NMB: variants seen among roughly 807,000 people sequenced by gnomAD.
The protein encoded by NMB is neuromedin B.
In NMB, 12 loss-of-function variants were observed where a neutral mutation model predicts 11.7. That is an observed-to-expected ratio of 1.03 (90% CI 0.66 to 1.66). The LOEUF is 1.66. NMB is among the 40% of genes most tolerant of loss of function. The pLI, the probability that NMB is intolerant of heterozygous loss-of-function variation, is 0.00. For missense variants in NMB, 174 were observed against 157.9 expected (o/e 1.10, Z -0.55); for synonymous variants, 76 against 72.6 (o/e 1.05, Z -0.24).
Position 84,655,158 on chromosome 15 carries a change from C to A in NMB, c.*216G>T. On this transcript the variant is annotated 3_prime_UTR_variant, in exon 3 of 3. Transcript: ENST00000360476. The stretch of plus-strand genomic sequence containing the variant: ...ATGTAAAGAGCAAGGTTTTATTCAC[C>A]AATTCAACAGGGAAGCAGGAAATAC... The A allele has an allele frequency of 7.8e-7, 1 of 1,286,760 alleles. No homozygotes were observed. Among genetic ancestry groups the A allele is most frequent in the Non-Finnish European group, 1.1e-6 (1 of 932,348 alleles). The allele number at this position is 1,286,760 out of a possible 1,614,324, so 79.7% of individuals were successfully genotyped here. A position where few individuals can be genotyped will look rare whatever the true frequency, so the allele number is the denominator to read the frequency against.
intron 2 of NMB, among the ~76,000 whole-genome samples, chr15:84,656,294 A>AC (rs1896782254): frequency 6.6e-6 from 1 of 152,036 alleles, no homozygotes; most frequent in Non-Finnish European, 1.5e-5. Flanking sequence ...CAGCAGCAGG[A>AC]CCAGGGAGGG....
chr15:84,657,133 C>T (rs1219855462), intron 2 of NMB, 43 bp downstream of exon 2: 7 of 1,579,344 alleles, frequency 4.4e-6, no homozygotes, highest in East Asian at 2.3e-5. Context: ...CGGGGATGGC[C>T]CCAGCTGGGC....
chr15:84,655,789 C>G (rs1896771433), intron 2 of NMB, among the ~76,000 whole-genome samples: 1 of 152,220 alleles, frequency 6.6e-6, no homozygotes, highest in Non-Finnish European at 1.5e-5. Context: ...GTCAGAGCTT[C>G]AAAACCAAGG....
In NMB at chr15:84,658,066, C is replaced by T. The variant is rs755352396; in HGVS notation, c.87G>A (p.Trp29Ter). The change falls in exon 1 of 3, where the codon TGG becomes TGA. Residue 29 changes from tryptophan (W) to a stop codon, truncating the protein, a stop_gained. Transcript: ENST00000360476. LOFTEE classifies it high-confidence loss of function. ...CTCGGCTGCGGGGCTCCGGGAGATCCCAGCTGAGCGGGGCGACGCCGGCAG... is the reference window on the plus strand; with the variant it reads ...CTCGGCTGCGGGGCTCCGGGAGATCTCAGCTGAGCGGGGCGACGCCGGCAG... ...LLAAGVAPLS[W>*]DLPEPRSRAS... 6.3e-7 allele frequency: 1 copy of T among 1,587,070 alleles called. No individual in the cohort carries two copies. The highest frequency in any genetic ancestry group is 1.1e-5 in the South Asian group (1 of 89,296).
chr15:84,657,214 G>A lies in NMB; in HGVS notation c.292C>T (p.Leu98=). 1.2e-6 allele frequency: 2 copies of A among 1,612,642 alleles called. No homozygotes were observed. The highest frequency in any genetic ancestry group is 1.7e-6 in the Non-Finnish European group (2 of 1,179,514). Reference sequence around the variant, plus strand: ...GCGGGGCGGCTGAGGCTCACGCCCAGAGCCTTCTTTAGCAGGAGGATTCCG... The same window carrying A: ...GCGGGGCGGCTGAGGCTCACGCCCAAAGCCTTCTTTAGCAGGAGGATTCCG... ...LLGILLLKKA[L]GVSLSRPAPQ... Residue 98 remains leucine (L), a synonymous_variant, in exon 2 of 3, where the codon CTG becomes TTG. Transcript: ENST00000360476.
intron 2 of NMB, 34 bp from the exon 3 acceptor site, chr15:84,655,443 G>A: frequency 6.2e-7 from 1 of 1,612,244 alleles, no homozygotes; most frequent in Non-Finnish European, 8.5e-7. Flanking sequence ...TTGAGCCAGG[G>A]AGGGGCTCCT....
At chr15:84,655,703 C>T (rs1406402122) in intron 2 of NMB, among the ~76,000 whole-genome samples, 1 of 152,228 alleles carries the variant, frequency 6.6e-6, no homozygotes, top group Non-Finnish European at 1.5e-5. Context: ...CCCACCCCAG[C>T]TCTGCCCCAG....
chr15:84,656,835 C>G (rs917331709), intron 2 of NMB, among the ~76,000 whole-genome samples: 34 of 152,090 alleles, frequency 2.2e-4, no homozygotes, highest in African/African-American at 8.2e-4. Flanking sequence ...ATGGGTGGGA[C>G]AAGACTGTGT....
intron 2 of NMB, among the ~76,000 whole-genome samples, chr15:84,656,389 C>T (rs1896783268): frequency 6.6e-6 from 1 of 151,818 alleles, no homozygotes; most frequent in Non-Finnish European, 1.5e-5. Context: ...AGCTTGGCTC[C>T]AGCTTTGGAG....
In NMB at chr15:84,655,228, C is replaced by G. The variant is rs745704094; in HGVS notation, c.*146G>C. The G allele has an allele frequency of 3.9e-6, 6 of 1,542,808 alleles. No individual in the cohort carries two copies. Among genetic ancestry groups the G allele is most frequent in the Non-Finnish European group, 5.2e-6 (6 of 1,143,292 alleles). ...TCTGCATCAGCGATATTTCTGGTGA[C>G]CCAGCCAGAAATCACAGTAATGGAG... On this transcript the variant is annotated 3_prime_UTR_variant, in exon 3 of 3. Transcript: ENST00000360476.
intron 2 of NMB, among the ~76,000 whole-genome samples, chr15:84,656,259 A>G (rs1344140141): frequency 4.6e-5 from 7 of 152,022 alleles, no homozygotes; most frequent in Admixed American, 1.3e-4. Context: ...CCCACATTCT[A>G]CCACATCACA....
chr15:84,657,015 A>C (rs979369037), intron 2 of NMB, among the ~76,000 whole-genome samples, 161 bp downstream of exon 2: 1 of 152,192 alleles, frequency 6.6e-6, no homozygotes, highest in Admixed American at 6.5e-5. Context: ...CTGCCTCAAG[A>C]GGGAAAAGCC....
At chr15:84,655,986 TGGGG>T (rs1896775925) in intron 2 of NMB, among the ~76,000 whole-genome samples, 2 of 152,014 alleles carry the variant, frequency 1.3e-5, no homozygotes, top group Admixed American at 1.3e-4. Flanking sequence ...CTAGGCACAC[TGGGG>T]GATATGAAGG....
chr15:84,657,279 G>C lies in NMB; in HGVS notation c.227C>G (p.Ser76Cys). The C allele has an allele frequency of 1.2e-6, 2 of 1,604,182 alleles. No homozygotes were observed. Among genetic ancestry groups the C allele is most frequent in the Non-Finnish European group, 1.7e-6 (2 of 1,175,380 alleles). Reference sequence around the variant, plus strand: ...CAGCTGCAGTCGCTGGTCCCTCAGGGAGGTGTGGGGAGCTGTCCCCAATGG... The same window carrying C: ...CAGCTGCAGTCGCTGGTCCCTCAGGCAGGTGTGGGGAGCTGTCCCCAATGG... ...PSPLGTAPHT[S>C]LRDQRLQLSH... is the part of the protein sequence containing the mutation. The change falls in exon 2 of 3, where the codon TCC (serine) becomes TGC (cysteine). Residue 76 changes from serine to cysteine, a missense_variant. Ser to Cys is a moderately radical substitution (Grantham distance 112, BLOSUM62 -1). This residue lies in a region of NMB where 168 missense variants were observed against 138.4 expected (regional missense o/e 1.21). Coordinates refer to ENST00000360476, the MANE Select transcript of NMB (RefSeq NM_021077.4).
rs778978692 is a variant in NMB at position 84,657,168 on chromosome 15, C to T, written c.330+8G>A. ...CCCTCCTGACATTGGAGCAGGGGCC[C>T]GGCTCACCTGGATTTGGGGTGCGGG... On this transcript the variant is annotated splice_region_variant and intron_variant, in intron 2 of 2. Coordinates refer to ENST00000360476, the MANE Select transcript of NMB (RefSeq NM_021077.4). 10 of 1,606,458 alleles carry T rather than the reference C, an allele frequency of 6.2e-6. No homozygotes were observed. Among genetic ancestry groups the T allele is most frequent in the Non-Finnish European group, 8.5e-6 (10 of 1,178,022 alleles).
chr15:84,656,011 A>G (rs1281886650), intron 2 of NMB, among the ~76,000 whole-genome samples: 1 of 152,098 alleles, frequency 6.6e-6, no homozygotes, highest in Non-Finnish European at 1.5e-5. Flanking sequence ...CGAGTCTACA[A>G]CAGGTGCCGC....
Position 84,658,015 on chromosome 15 carries a change from T to C in NMB, c.138A>G (p.Arg46=), listed in dbSNP as rs761603218. ...SRASKIRVHS[R]GNLWATGHFM... ...ACTTACCGGTGGCCCAGAGGTTGCC[T>C]CGCGAGTGCACTCGGATCTTGCTGG... The change falls in exon 1 of 3, where the codon CGA becomes CGG. Residue 46 remains arginine (R), a synonymous_variant. Coordinates refer to ENST00000360476, the MANE Select transcript of NMB (RefSeq NM_021077.4). The C allele has an allele frequency of 8.1e-6, 13 of 1,597,734 alleles. No homozygotes were observed. In the East Asian group the frequency reaches 2.4e-4, roughly 29 times the overall value.
chr15:84,657,996 CGGTGGCCCAGA>C lies in NMB; in HGVS notation c.146_156del (p.Leu49ArgfsTer35). On this transcript the variant is annotated frameshift_variant and splice_region_variant, in exon 1 of 3. Transcript: ENST00000360476. LOFTEE classifies it high-confidence loss of function. Reference sequence around the variant, plus strand: ...GCTTGCTCCGTCCCCAAAGACTTACCGGTGGCCCAGAGGTTGCCTCGCGAGTGCACTCGGAT... The same window carrying C: ...GCTTGCTCCGTCCCCAAAGACTTACCGGTTGCCTCGCGAGTGCACTCGGAT... 1.3e-6 allele frequency: 2 copies of C among 1,591,068 alleles called. No homozygotes were observed. Among genetic ancestry groups the C allele is most frequent in the Non-Finnish European group, 1.7e-6 (2 of 1,170,136 alleles).
intron 2 of NMB, among the ~76,000 whole-genome samples, chr15:84,656,147 A>G (rs1896779044): frequency 6.6e-6 from 1 of 152,188 alleles, no homozygotes; most frequent in African/African-American, 2.4e-5. Flanking sequence ...TCTTCATTTT[A>G]TGGGTGAAGA....
Sources: allele counts gnomAD v4.1 joint callset (sites outside exome capture counted in the v4.1 genomes callset), GRCh38; gene constraint gnomAD v4.1.1; regional missense constraint gnomAD v4.1.1; transcripts MANE v1.5; gene names NCBI Gene and HGNC (gene_info 2026-07-23, HGNC 2026-07-21).